The following STXBP6 variants were observed in gnomAD, a reference collection of about 807,000 sequenced individuals.
STXBP6 encodes the protein syntaxin binding protein 6.
Under a neutral mutation model 26.9 loss-of-function variants are expected in STXBP6, and 21 were observed. The ratio of observed to expected loss-of-function variants is 0.78; its 90% CI spans 0.55 to 1.12. The LOEUF is 1.12. Among genes scored for constraint, STXBP6 ranks in the 50% most tolerant of loss-of-function variants. STXBP6 has a pLI of 0.00. For missense variants in STXBP6, 232 were observed against 257.9 expected (o/e 0.90, Z 0.69); for synonymous variants, 97 against 92.6 (o/e 1.05, Z -0.27).
intron 2 of STXBP6, among the ~76,000 whole-genome samples, chr14:24,882,148 G>C (rs992360136): frequency 6.6e-6 from 1 of 151,770 alleles, no homozygotes; most frequent in Non-Finnish European, 1.5e-5. Context: ...GGGAGGCCGA[G>C]GCGGGCGGAT....
chr14:25,031,908 A>G (rs1425039150), intron 1 of STXBP6, among the ~76,000 whole-genome samples: 1 of 152,188 alleles, frequency 6.6e-6, no homozygotes, highest in African/African-American at 2.4e-5. Context: ...TTGGACCCCA[A>G]CGAAGAGCCT....
chr14:25,024,126 G>A (rs536947846), intron 1 of STXBP6, among the ~76,000 whole-genome samples: 6 of 152,014 alleles, frequency 3.9e-5, no homozygotes, highest in East Asian at 3.9e-4. Context: ...TGGCTAACAC[G>A]GTGAAACCCC....
At chr14:25,011,333 C>G (rs765221117) in intron 1 of STXBP6, among the ~76,000 whole-genome samples, 10 of 152,134 alleles carry the variant, frequency 6.6e-5, no homozygotes, top group Non-Finnish European at 1.5e-4. Context: ...CAGGTACCGT[C>G]AAGTATTTCC....
At chr14:24,937,342 T>C (rs1006477767) in intron 2 of STXBP6, among the ~76,000 whole-genome samples, 4 of 152,362 alleles carry the variant, frequency 2.6e-5, no homozygotes, top group African/African-American at 9.6e-5. Context: ...TTTAAACACA[T>C]GCTTTTACAT....
chr14:24,901,774 CTG>C (rs2071221815), intron 2 of STXBP6, among the ~76,000 whole-genome samples: 1 of 150,806 alleles, frequency 6.6e-6, no homozygotes, highest in African/African-American at 2.4e-5. Flanking sequence ...AATATACACT[CTG>C]TGATTCCACC....
chr14:25,046,998 G>A (rs1319025407), intron 1 of STXBP6, among the ~76,000 whole-genome samples: 2 of 152,168 alleles, frequency 1.3e-5, no homozygotes, highest in African/African-American at 4.8e-5. Flanking sequence ...CATTTGTCGT[G>A]GGGTGTACTT....
At chr14:24,873,437 G>A (rs924739093) in intron 2 of STXBP6, among the ~76,000 whole-genome samples, 5 of 152,152 alleles carry the variant, frequency 3.3e-5, no homozygotes, top group Non-Finnish European at 5.9e-5. Flanking sequence ...CTCAGGGGAG[G>A]AAGAATGAAC....
At chr14:24,986,287 T>C (rs2074330360) in intron 1 of STXBP6, among the ~76,000 whole-genome samples, 1 of 152,192 alleles carries the variant, frequency 6.6e-6, no homozygotes, top group African/African-American at 2.4e-5. Flanking sequence ...CCAAAAGCAA[T>C]GATGGTCTGC....
intron 2 of STXBP6, among the ~76,000 whole-genome samples, chr14:24,880,898 G>A (rs1441958297): frequency 6.6e-6 from 1 of 152,196 alleles, no homozygotes; most frequent in Non-Finnish European, 1.5e-5. Context: ...GGTCAGATGA[G>A]TCACATTTCA....
chr14:24,815,013 C>G (rs2067930720), intron 5 of STXBP6, among the ~76,000 whole-genome samples: 1 of 152,096 alleles, frequency 6.6e-6, no homozygotes, highest in Admixed American at 6.6e-5. Flanking sequence ...CTTGAATGGA[C>G]TAAGAAAGTA....
intron 2 of STXBP6, among the ~76,000 whole-genome samples, chr14:24,955,781 C>A (rs1485153268): frequency 6.6e-6 from 1 of 152,178 alleles, no homozygotes; most frequent in Non-Finnish European, 1.5e-5. Flanking sequence ...CAACAGGAGA[C>A]AACAACCACA....
At chr14:24,903,563 A>T (rs1271374813) in intron 2 of STXBP6, among the ~76,000 whole-genome samples, 4 of 152,204 alleles carry the variant, frequency 2.6e-5, no homozygotes, top group Non-Finnish European at 5.9e-5. Flanking sequence ...CACAACTGGT[A>T]CATAACTGAA....
chr14:24,913,278 G>A (rs1443021617), intron 2 of STXBP6, among the ~76,000 whole-genome samples: 1 of 152,152 alleles, frequency 6.6e-6, no homozygotes, highest in Admixed American at 6.5e-5. Context: ...AATAAGGAAT[G>A]GGTCATCTGC....
At chr14:24,843,530 G>A (rs2068846223) in intron 4 of STXBP6, among the ~76,000 whole-genome samples, 1 of 152,142 alleles carries the variant, frequency 6.6e-6, no homozygotes, top group Non-Finnish European at 1.5e-5. Flanking sequence ...TACTCCCTAT[G>A]CACCATGCTA....
chr14:24,996,836 C>T (rs1350831210), intron 1 of STXBP6, among the ~76,000 whole-genome samples: 1 of 84,510 alleles, frequency 1.2e-5, no homozygotes, highest in African/African-American at 4.8e-5. Flanking sequence ...GCCTGGGCAA[C>T]AAGAGAGAAA....
intron 1 of STXBP6, among the ~76,000 whole-genome samples, chr14:25,032,678 C>T (rs952969272): frequency 5.3e-5 from 8 of 152,164 alleles, no homozygotes; most frequent in African/African-American, 1.9e-4. Context: ...GAACAGATTT[C>T]ACAGAGTCCC....
intron 2 of STXBP6, among the ~76,000 whole-genome samples, chr14:24,931,173 G>A (rs1253443332): frequency 7.1e-6 from 1 of 141,542 alleles, no homozygotes; most frequent in East Asian, 2.1e-4. Context: ...ACTCATAGGT[G>A]GGAACTGAAC....
intron 1 of STXBP6, among the ~76,000 whole-genome samples, chr14:24,998,383 A>G (rs1327559925): frequency 1.3e-5 from 2 of 152,206 alleles, no homozygotes; most frequent in Non-Finnish European, 2.9e-5. Flanking sequence ...TTAGAGATGA[A>G]AAGTCTGAAC....
At chr14:24,988,388 G>A (rs2074385942) in intron 1 of STXBP6, among the ~76,000 whole-genome samples, 1 of 152,296 alleles carries the variant, frequency 6.6e-6, no homozygotes, top group South Asian at 2.1e-4. Context: ...GAAAGACAAG[G>A]AAAACAGGTA....
Sources: gnomAD v4.1 joint callset for allele counts (sites outside exome capture counted in the v4.1 genomes callset) on GRCh38, gnomAD v4.1.1 for gene constraint, MANE v1.5 for transcripts, NCBI Gene and HGNC (gene_info 2026-07-23, HGNC 2026-07-21) for gene names.